Variants in HIBADH observed in about 807,000 individuals in gnomAD.
HIBADH encodes the protein 3-hydroxyisobutyrate dehydrogenase.
Under a neutral mutation model 36.1 loss-of-function variants are expected in HIBADH, and 25 were observed. The observed-to-expected ratio is 0.69, with a 90% confidence interval of 0.50 to 0.97. HIBADH has a LOEUF of 0.97. HIBADH is among the 50% of genes least tolerant of loss of function. The pLI is 0.00. For synonymous variants in HIBADH, 160 were observed against 149.5 expected (o/e 1.07, Z -0.51); for missense variants, 421 against 418.0 (o/e 1.01, Z -0.06).
At chr7:27,564,883 A>C (rs755803893) in intron 4 of HIBADH, among the ~76,000 whole-genome samples, 11 of 152,176 alleles carry the variant, frequency 7.2e-5, no homozygotes, top group Admixed American at 2.0e-4. Flanking sequence ...AACAAATGTA[A>C]ATAATAATGT....
intron 5 of HIBADH, among the ~76,000 whole-genome samples, chr7:27,542,070 T>C (rs1784158804): frequency 6.6e-6 from 1 of 152,226 alleles, no homozygotes; most frequent in Admixed American, 6.5e-5. Flanking sequence ...AAATTTTAAC[T>C]CTTTATAACA....
At chr7:27,585,833 G>A (rs1364036938) in intron 4 of HIBADH, among the ~76,000 whole-genome samples, 3 of 151,982 alleles carry the variant, frequency 2.0e-5, no homozygotes, top group Non-Finnish European at 4.4e-5. Flanking sequence ...GTATTTTCTA[G>A]GTACATGATT....
At chr7:27,563,567 G>C (rs528868596) in intron 4 of HIBADH, among the ~76,000 whole-genome samples, 34 of 152,326 alleles carry the variant, frequency 2.2e-4, no homozygotes, top group African/African-American at 7.9e-4. Flanking sequence ...TTAAACTGTT[G>C]TATTTTAAAA....
intron 4 of HIBADH, among the ~76,000 whole-genome samples, chr7:27,596,919 T>C (rs949548137): frequency 9.2e-5 from 14 of 152,198 alleles, no homozygotes; most frequent in African/African-American, 3.4e-4. Flanking sequence ...TGAAAAGATA[T>C]ATGAAATTTT....
chr7:27,595,363 C>T (rs968310812), intron 4 of HIBADH, among the ~76,000 whole-genome samples: 2 of 152,008 alleles, frequency 1.3e-5, no homozygotes, highest in South Asian at 4.2e-4. Context: ...ATGAAAAGTA[C>T]AAAAATTAGC....
intron 4 of HIBADH, among the ~76,000 whole-genome samples, chr7:27,589,970 A>G (rs1350165973): frequency 6.6e-6 from 1 of 152,214 alleles, no homozygotes; most frequent in East Asian, 1.9e-4. Flanking sequence ...TTGGGTTACA[A>G]CATTCTCAAG....
intron 1 of HIBADH, among the ~76,000 whole-genome samples, chr7:27,650,528 T>C (rs1786167775): frequency 6.6e-6 from 1 of 150,762 alleles, no homozygotes; most frequent in Admixed American, 6.6e-5. Flanking sequence ...AGTCTCACTC[T>C]GTCACCCAGA....
At chr7:27,563,807 T>C (rs1241281668) in intron 4 of HIBADH, among the ~76,000 whole-genome samples, 2 of 152,208 alleles carry the variant, frequency 1.3e-5, no homozygotes, top group Admixed American at 6.5e-5. Flanking sequence ...ATGGCTTTGG[T>C]TGAACATGTA....
At chr7:27,529,976 T>G (rs1783967360) in intron 7 of HIBADH, among the ~76,000 whole-genome samples, 2 of 152,200 alleles carry the variant, frequency 1.3e-5, no homozygotes, top group South Asian at 4.1e-4. Context: ...CACTGAAGGC[T>G]CAGATAATTG....
intron 1 of HIBADH, among the ~76,000 whole-genome samples, chr7:27,651,325 AT>A (rs1786190577): frequency 6.6e-6 from 1 of 152,204 alleles, no homozygotes; most frequent in African/African-American, 2.4e-5. Context: ...GTGCAACATC[AT>A]TTAACAGGCG....
chr7:27,613,174 A>AATAT (rs1785361336), intron 4 of HIBADH, among the ~76,000 whole-genome samples: 1 of 9,334 alleles, frequency 1.1e-4, no homozygotes, highest in African/African-American at 1.2e-3. Context: ...TATTTATATA[A>AATAT]ATATATTTAT....
At chr7:27,656,284 AG>A (rs1461950304) in intron 1 of HIBADH, among the ~76,000 whole-genome samples, 3 of 152,230 alleles carry the variant, frequency 2.0e-5, no homozygotes, top group Admixed American at 1.3e-4. Flanking sequence ...AACAACACAA[AG>A]ATATAGTTTA....
At chr7:27,590,156 T>C (rs79612080) in intron 4 of HIBADH, among the ~76,000 whole-genome samples, 2,099 of 152,204 alleles carry the variant, frequency 0.014, 45 homozygotes, top group African/African-American at 0.047. Flanking sequence ...CTCCAAGAGA[T>C]TCAATGGTAC....
chr7:27,634,982 G>T (rs1339967251), intron 2 of HIBADH, among the ~76,000 whole-genome samples: 2 of 152,130 alleles, frequency 1.3e-5, no homozygotes, highest in Non-Finnish European at 2.9e-5. Context: ...AGGCCCGGAA[G>T]AAATACACAA....
intron 4 of HIBADH, among the ~76,000 whole-genome samples, chr7:27,555,441 A>G (rs964072332): frequency 6.6e-6 from 1 of 151,934 alleles, no homozygotes; most frequent in African/African-American, 2.4e-5. Flanking sequence ...AACACTGAGT[A>G]CAAAGACAAG....
chr7:27,585,825 A>G (rs1784853652), intron 4 of HIBADH, among the ~76,000 whole-genome samples: 1 of 152,214 alleles, frequency 6.6e-6, no homozygotes, highest in Admixed American at 6.5e-5. Context: ...AAATGGTTGT[A>G]TTTTCTAGGT....
chr7:27,592,734 C>A (rs1036925119), intron 4 of HIBADH, among the ~76,000 whole-genome samples: 3 of 152,194 alleles, frequency 2.0e-5, no homozygotes, highest in Admixed American at 6.5e-5. Context: ...TTTACTCACA[C>A]CCTGTCTCTA....
chr7:27,605,880 G>C (rs531776710), intron 4 of HIBADH, among the ~76,000 whole-genome samples: 4 of 152,164 alleles, frequency 2.6e-5, no homozygotes, highest in Non-Finnish European at 5.9e-5. Context: ...AATGCCACCT[G>C]GTGGCACAGA....
At chr7:27,534,270 CG>C (rs1399049112) in intron 6 of HIBADH, among the ~76,000 whole-genome samples, 2 of 152,106 alleles carry the variant, frequency 1.3e-5, no homozygotes, top group Non-Finnish European at 2.9e-5. Context: ...TCTGGTTTCA[CG>C]TAAGAACGAA....
Sources: gnomAD v4.1 joint callset for allele counts (sites outside exome capture counted in the v4.1 genomes callset) on GRCh38, gnomAD v4.1.1 for gene constraint, MANE v1.5 for transcripts, NCBI Gene and HGNC (gene_info 2026-07-23, HGNC 2026-07-21) for gene names.